The following RTN2 variants were observed in gnomAD, a reference collection of about 807,000 sequenced individuals.
RTN2 encodes the protein reticulon-2.
RTN2 carries 36 observed loss-of-function variants against 63.7 expected under a neutral mutation model. That is an observed-to-expected ratio of 0.56 (90% CI 0.43 to 0.75). The LOEUF (loss-of-function observed/expected upper bound fraction) is 0.75, where lower values mean the gene tolerates loss of function less well. Ranked by LOEUF, RTN2 falls within the 30% of genes least tolerant of loss-of-function variation. The pLI is 0.00. For missense variants in RTN2, 673 were observed against 705.1 expected (o/e 0.95, Z 0.52); for synonymous variants, 312 against 313.0 (o/e 1.00, Z 0.03).
rs534606230 is a variant in RTN2 at position 45,494,069 on chromosome 19, T to A, written c.814+97A>T. ...CGTCTATCTCTTCCCTTTTCCACTA[T>A]GTACTGTTCCTTTGCGAGGTTGGTC... On this transcript the variant is annotated intron_variant, in intron 4 of 10. Transcript: ENST00000245923. The surrounding 1 kb of genome is among the most constrained non-coding windows in gnomAD (Gnocchi z 5.3). The A allele has an allele frequency of 1.4e-5, 21 of 1,499,104 alleles. No individual in the cohort carries two copies. The East Asian group carries it at 4.8e-4, about 34-fold the overall frequency. The allele number at this position is 1,499,104 out of a possible 1,614,324, so 92.9% of individuals were successfully genotyped here.
chr19:45,485,912 C>T (rs927624568), intron 10 of RTN2, 123 bp from the exon 11 acceptor site: 1 of 1,141,152 alleles, frequency 8.8e-7, no homozygotes, highest in Non-Finnish European at 1.3e-6. Flanking sequence ...TGCCCTCCAC[C>T]TAGTGGCCTA....
At chr19:45,496,673 T>C (rs1182380614) in intron 1 of RTN2, 119 bp downstream of exon 1, 3 of 602,970 alleles carry the variant, frequency 5.0e-6, no homozygotes, top group African/African-American at 1.9e-5. Context: ...GCTTCCTTTG[T>C]CTCCTATGCC....
chr19:45,494,035 G>A lies in RTN2; in HGVS notation c.814+131C>T, dbSNP rs566286322. On this transcript the variant is annotated intron_variant, in intron 4 of 10. Coordinates refer to ENST00000245923, the MANE Select transcript of RTN2 (RefSeq NM_005619.5). The surrounding 1 kb of genome is among the most constrained non-coding windows in gnomAD (Gnocchi z 5.3). ...CGGAGTTTATCACGTCTAGCCAGAT[G>A]TGATATCACGTCTATCTCTTCCCTT... 2.5e-4 allele frequency: 341 copies of A among 1,371,572 alleles called. No individual in the cohort carries two copies. The highest frequency in any genetic ancestry group is 3.2e-4 in the Non-Finnish European group (320 of 1,012,910). 85.0% of individuals were successfully genotyped at this position (1,371,572 alleles called of 1,614,324 possible).
At chr19:45,488,610 T>C (rs2122208970) in intron 8 of RTN2, 27 bp downstream of exon 8, 1 of 1,613,822 alleles carries the variant, frequency 6.2e-7, no homozygotes, top group East Asian at 2.2e-5. Context: ...AAGTCCCCAT[T>C]TGCCCCTTAC....
intron 9 of RTN2, among the ~76,000 whole-genome samples, chr19:45,488,256 G>T (rs543013849): frequency 6.6e-6 from 1 of 152,298 alleles, no homozygotes; most frequent in South Asian, 2.1e-4. Flanking sequence ...CTGTCTCAAA[G>T]AAAACCCAAA....
Position 45,488,481 on chromosome 19 carries a change from C to T in RTN2, c.1487G>A (p.Arg496Gln), listed in dbSNP as rs752465413. ...IGLFTIPLLYRQHQAQIDQYV... is the reference protein window; with the variant it reads ...IGLFTIPLLYQQHQAQIDQYV... Reference sequence around the variant, plus strand: ...GGGTGTCACACTCACCTGGTGCTGCCGGTACAGCAGGGGGATGGTGAATAG... The same window carrying T: ...GGGTGTCACACTCACCTGGTGCTGCTGGTACAGCAGGGGGATGGTGAATAG... Residue 496 changes from arginine (R) to glutamine (Q), a missense_variant, in exon 9 of 11, where the codon CGG becomes CAG. By Grantham distance (43) the Arg-to-Gln change is conservative (BLOSUM62 1). Transcript: ENST00000245923. 3.7e-6 allele frequency: 6 copies of T among 1,613,768 alleles called. No homozygotes were observed. Among genetic ancestry groups the T allele is most frequent in the African/African-American group, 2.7e-5 (2 of 75,010 alleles).
chr19:45,489,295 C>G (rs772890773), intron 6 of RTN2, 51 bp downstream of exon 6: 1 of 1,509,810 alleles, frequency 6.6e-7, no homozygotes, highest in Non-Finnish European at 9.0e-7. Flanking sequence ...GGTCGTGGGT[C>G]ATGCTTTAGG....
chr19:45,489,760 C>T (rs1272005359), intron 5 of RTN2, among the ~76,000 whole-genome samples: 1 of 150,160 alleles, frequency 6.7e-6, no homozygotes, highest in African/African-American at 2.5e-5. Flanking sequence ...CTCACTGCAG[C>T]CTCGATCTCC....
rs754362965 is a variant in RTN2, at chr19:45,495,143, C to A, written c.35-4G>T. 1.2e-6 allele frequency: 2 copies of A among 1,613,892 alleles called. No individual in the cohort carries two copies. Among genetic ancestry groups the A allele is most frequent in the East Asian group, 2.2e-5 (1 of 44,904 alleles). On this transcript the variant is annotated splice_region_variant and splice_polypyrimidine_tract_variant and intron_variant, in intron 1 of 10. Coordinates refer to ENST00000245923, the MANE Select transcript of RTN2 (RefSeq NM_005619.5). ...GAGGCTGTAGACGGAGCTTCTTCTG[C>A]GAGAGGGAAAGAATCGAAGACTCTT...
chr19:45,488,821 C>T (rs1373590548), intron 7 of RTN2, 27 bp downstream of exon 7: 1 of 1,598,076 alleles, frequency 6.3e-7, no homozygotes, highest in Non-Finnish European at 8.5e-7. Flanking sequence ...TGGGGGAACC[C>T]AGGAGGGGCT....
intron 1 of RTN2, among the ~76,000 whole-genome samples, chr19:45,495,470 G>T (rs1434083782): frequency 1.3e-5 from 2 of 152,134 alleles, no homozygotes; most frequent in African/African-American, 4.8e-5. Flanking sequence ...CAAAATCCCT[G>T]CCCTCCTAGA....
At position 45,494,825 on chromosome 19, in the gene RTN2, C is replaced by G; in HGVS notation, c.260G>C (p.Arg87Pro). 1 of 1,603,132 alleles carries G rather than the reference C, an allele frequency of 6.2e-7. No individual in the cohort carries two copies. ...TTCCGAGACTGAGCGGCCCTGGGGG[C>G]GGGGGCGGCGGGCAGTTGAATCCCT... ...GRRDSTARRP[R>P]PQGRSVSEPR... Residue 87 changes from arginine (R) to proline (P), a missense_variant, in exon 3 of 11, where the codon CGC becomes CCC. Physicochemically the swap from Arg to Pro is moderately radical, Grantham distance 103. Transcript: ENST00000245923. The surrounding 1 kb of genome is among the most constrained non-coding windows in gnomAD (Gnocchi z 5.3).
At chr19:45,490,828 C>T (rs370300024) in intron 5 of RTN2, among the ~76,000 whole-genome samples, 23 of 151,290 alleles carry the variant, frequency 1.5e-4, no homozygotes, top group African/African-American at 5.1e-4. Context: ...CCTCCCACCT[C>T]GGCCTCCCAA....
intron 1 of RTN2, among the ~76,000 whole-genome samples, chr19:45,496,394 C>G (rs1272079258): frequency 1.3e-5 from 2 of 152,188 alleles, no homozygotes; most frequent in Non-Finnish European, 2.9e-5. Flanking sequence ...GGATGGGATG[C>G]GAAGGCAAGT....
rs753049169 is a variant in RTN2 at position 45,488,971 on chromosome 19, C to T, written c.1257G>A (p.Val419=). ...TCTGCTCCCGAGTCAGGGTGAGGTC[C>T]ACATCCAGGTAGGCCCTGCGGGGAC... ...GANPFQAYLD[V]DLTLTREQTE... is the part of the protein sequence containing the mutation. Residue 419 remains valine, a synonymous_variant, in exon 7 of 11, where the codon GTG becomes GTA. Coordinates refer to ENST00000245923, the MANE Select transcript of RTN2 (RefSeq NM_005619.5). 1.1e-5 allele frequency: 17 copies of T among 1,611,712 alleles called. No individual in the cohort carries two copies. In the East Asian group the frequency reaches 3.8e-4, roughly 36 times the overall value.
At chr19:45,496,521 C>T (rs1421835784) in intron 1 of RTN2, 1 of 344,316 alleles carries the variant, frequency 2.9e-6, no homozygotes, top group Non-Finnish European at 5.2e-6. Flanking sequence ...GTCCTCGCTC[C>T]CGGGCGGGGC....
In RTN2 at chr19:45,485,534, G is replaced by A; in HGVS notation, c.*174C>T. 1 of 607,184 alleles carries A rather than the reference G, an allele frequency of 1.6e-6. No homozygotes were observed. The highest frequency in any genetic ancestry group is 2.9e-6 in the Non-Finnish European group (1 of 340,062). The allele number at this position is 607,184 out of a possible 1,614,324, so 37.6% of individuals were successfully genotyped here. A position where few individuals can be genotyped will look rare whatever the true frequency, so the allele number is the denominator to read the frequency against. ...CCTGGAGCAGAGCCTCTTGGGAAAT[G>A]TAGTCCTGGTCGCTCAGGTAATTAG... On this transcript the variant is annotated 3_prime_UTR_variant, in exon 11 of 11. Transcript: ENST00000245923.
In RTN2 at chr19:45,496,944, C is replaced by T. The variant is rs986850331; in HGVS notation, c.-119G>A. ...ACGCCGCTGCCATTCTCGCCGCCTC[C>T]TCCTCCCGGGCTGCTCCAGCCGCCG... On this transcript the variant is annotated 5_prime_UTR_variant, in exon 1 of 11. Coordinates refer to ENST00000245923, the MANE Select transcript of RTN2 (RefSeq NM_005619.5). 5.2e-5 allele frequency: 28 copies of T among 537,796 alleles called. No individual in the cohort carries two copies. The Admixed American group carries it at 1.1e-3, about 22-fold the overall frequency. The allele number at this position is 537,796 out of a possible 1,614,324, so 33.3% of individuals were successfully genotyped here.
chr19:45,494,687 G>A lies in RTN2; in HGVS notation c.398C>T (p.Ser133Phe), dbSNP rs532731946. 1 of 1,613,724 alleles carries A rather than the reference G, an allele frequency of 6.2e-7. No individual in the cohort carries two copies. Among genetic ancestry groups the A allele is most frequent in the African/African-American group, 1.3e-5 (1 of 75,046 alleles). The change falls in exon 3 of 11, where the codon TCC (serine) becomes TTC (phenylalanine). Residue 133 changes from serine to phenylalanine, a missense_variant. Transcript: ENST00000245923. The surrounding 1 kb of genome is among the most constrained non-coding windows in gnomAD (Gnocchi z 5.3). ...CCTCAGGTCTTCCAGAGGGCGCTCG[G>A]ATGGAGGCGCGGTGTCAGGATCACC... is the stretch of plus-strand genomic sequence containing the variant. ...RRGDPDTAPP[S>F]ERPLEDLRLR...
Sources: gnomAD v4.1 joint callset for allele counts (sites outside exome capture counted in the v4.1 genomes callset) on GRCh38, gnomAD v4.1.1 for gene constraint, Gnocchi (gnomAD v3.1) non-coding constraint, MANE v1.5 for transcripts, NCBI Gene and HGNC (gene_info 2026-07-23, HGNC 2026-07-21) for gene names.